Variants in BRAT1 observed in about 807,000 individuals in gnomAD.
BRAT1 encodes BRCA1 associated ATM activator 1.
In BRAT1, 74 loss-of-function variants were observed where a neutral mutation model predicts 70.6. The ratio of observed to expected loss-of-function variants is 1.05; its 90% confidence interval spans 0.87 to 1.27. The LOEUF is 1.27. Ranked by LOEUF, BRAT1 falls within the 50% of genes most tolerant of loss-of-function variation. The pLI is 0.00. For synonymous variants in BRAT1, 615 were observed against 517.1 expected (o/e 1.19, Z -2.57); for missense variants, 1,203 against 1,098.2 (o/e 1.10, Z -1.35).
chr7:2,541,895 CA>C, intron 7 of BRAT1, 59 bp from the exon 8 acceptor site: 1 of 1,560,342 alleles, frequency 6.4e-7, no homozygotes, highest in Non-Finnish European at 8.8e-7. Flanking sequence ...CCACGGTCAC[CA>C]GCCACCCCAC....
chr7:2,538,218 G>A lies in BRAT1; in HGVS notation c.2317C>T (p.Leu773=). The A allele has an allele frequency of 6.2e-7, 1 of 1,609,758 alleles. No individual in the cohort carries two copies. Among genetic ancestry groups the A allele is most frequent in the South Asian group, 1.1e-5 (1 of 91,000 alleles). The stretch of plus-strand genomic sequence containing the variant: ...AGGTCTAGGGACCTGAGCATGGCCA[G>A]CACAGCCTCAGGCTCCTGGTCCCCT... ...PPGDQEPEAV[L]AMLRSLDLEG... Residue 773 remains leucine, a synonymous_variant, in exon 14 of 14, where the codon CTG becomes TTG. Transcript: ENST00000340611.
chr7:2,542,169 C>G lies in BRAT1; in HGVS notation c.966G>C (p.Gln322His). ...TGGCCTTCAGGACACAGGCCAGGGG[C>G]TGGAGAAGGACCTGGAAGGCCTGGG... ...LRTQAFQVLLQPLACVLKATV... is the reference protein window; with the variant it reads ...LRTQAFQVLLHPLACVLKATV... Residue 322 changes from glutamine (Q) to histidine (H), a missense_variant, in exon 7 of 14, where the codon CAG (glutamine) becomes CAC (histidine). Physicochemically the swap from Gln to His is conservative, Grantham distance 24 (BLOSUM62 0). Coordinates refer to ENST00000340611, the MANE Select transcript of BRAT1 (RefSeq NM_152743.4). The G allele has an allele frequency of 6.4e-7, 1 of 1,572,136 alleles. No individual in the cohort carries two copies. The highest frequency in any genetic ancestry group is 1.2e-5 in the South Asian group (1 of 85,606).
At chr7:2,544,821 C>CG in intron 4 of BRAT1, 88 bp downstream of exon 4, 13 of 1,507,936 alleles carry the variant, frequency 8.6e-6, no homozygotes, top group East Asian at 7.5e-5. Context: ...ATCGCACAGA[C>CG]CAGACACTCA....
intron 2 of BRAT1, among the ~76,000 whole-genome samples, chr7:2,552,743 AT>A (rs375674149): frequency 1.1e-3 from 165 of 144,936 alleles, no homozygotes; most frequent in Admixed American, 9.7e-4. Context: ...TTATGACACT[AT>A]TTTTTTTTTT....
At chr7:2,547,517 G>A (rs376723978) in intron 2 of BRAT1, 39 bp from the exon 3 acceptor site, 33 of 1,598,072 alleles carry the variant, frequency 2.1e-5, no homozygotes, top group South Asian at 3.3e-5. Context: ...CCAGGGGTAC[G>A]GCACCAGGTG....
chr7:2,549,304 AG>A (rs1779829781), intron 2 of BRAT1, among the ~76,000 whole-genome samples: 1 of 151,760 alleles, frequency 6.6e-6, no homozygotes, highest in Non-Finnish European at 1.5e-5. Flanking sequence ...TGGGCAACAC[AG>A]GAAGATCCCC....
intron 10 of BRAT1, chr7:2,540,753 C>T: frequency 2.3e-6 from 1 of 440,474 alleles, no homozygotes; most frequent in Non-Finnish European, 3.9e-6. Flanking sequence ...TGCCCCTGCT[C>T]CCCACGGCCC....
chr7:2,546,406 T>C (rs962395101), intron 3 of BRAT1, among the ~76,000 whole-genome samples: 1 of 151,964 alleles, frequency 6.6e-6, no homozygotes, highest in African/African-American at 2.4e-5. Context: ...CACTCCAGCC[T>C]GGACGACAGA....
intron 2 of BRAT1, 96 bp downstream of exon 2, chr7:2,554,209 C>G (rs1780242306): frequency 6.7e-7 from 1 of 1,497,334 alleles, no homozygotes; most frequent in South Asian, 1.3e-5. Context: ...TGCCCTTCCT[C>G]CAGGACAGGG....
chr7:2,555,083 T>C (rs184725962), intron 1 of BRAT1, among the ~76,000 whole-genome samples: 1,678 of 136,512 alleles, frequency 0.012, 28 homozygotes, highest in African/African-American at 0.043. Flanking sequence ...GGTGGCTGCA[T>C]CTGAAGCCGG....
intron 2 of BRAT1, among the ~76,000 whole-genome samples, chr7:2,548,821 C>T (rs1473626240): frequency 2.6e-5 from 4 of 152,066 alleles, no homozygotes; most frequent in Non-Finnish European, 5.9e-5. Context: ...AAAAATTAGC[C>T]AGGCATGGTG....
chr7:2,541,767 G>T lies in BRAT1; in HGVS notation c.1085C>A (p.Ala362Asp). 6.2e-7 allele frequency: 1 copy of T among 1,612,322 alleles called. No individual in the cohort carries two copies. The highest frequency in any genetic ancestry group is 8.5e-7 in the Non-Finnish European group (1 of 1,179,788). The change falls in exon 8 of 14, where the codon GCC becomes GAC. Residue 362 changes from alanine (A) to aspartate (D), a missense_variant. Physicochemically the swap from Ala to Asp is moderately radical, Grantham distance 126. Transcript: ENST00000340611. ...DTLLASKSSC[A>D]GLLCRTLAHL... ...AGCCAGGGTGCGGCACAGGAGGCCG[G>T]CGCAGGACGACTTGGAGGCCAGGAG...
At chr7:2,550,481 C>CAAAAAAA (rs369777124) in intron 2 of BRAT1, among the ~76,000 whole-genome samples, 16 of 57,598 alleles carry the variant, frequency 2.8e-4, no homozygotes, top group African/African-American at 1.2e-3. Context: ...AAAAAAAAAA[C>CAAAAAAA]AAAAAAAAAA....
intron 2 of BRAT1, among the ~76,000 whole-genome samples, chr7:2,553,048 CTA>C (rs1780157014): frequency 6.6e-6 from 1 of 151,556 alleles, no homozygotes; most frequent in Admixed American, 6.6e-5. Context: ...TCGACTGACA[CTA>C]TTTTTTTGAG....
intron 2 of BRAT1, among the ~76,000 whole-genome samples, chr7:2,549,931 T>C (rs1250786266): frequency 6.6e-6 from 1 of 152,142 alleles, no homozygotes; most frequent in Admixed American, 6.6e-5. Context: ...CCTACATCTA[T>C]GTATACCTAA....
intron 10 of BRAT1, 52 bp downstream of exon 10, chr7:2,540,927 C>G (rs1779099552): frequency 1.4e-6 from 2 of 1,455,408 alleles, no homozygotes; most frequent in Non-Finnish European, 1.8e-6. Flanking sequence ...AGGGGTGGGT[C>G]CCACTGCCTC....
chr7:2,547,292 C>T (rs756994903), intron 3 of BRAT1, 32 bp downstream of exon 3: 16 of 1,610,834 alleles, frequency 9.9e-6, no homozygotes, highest in African/African-American at 5.3e-5. Flanking sequence ...CACCTCTCCA[C>T]GGGACACTCA....
intron 2 of BRAT1, among the ~76,000 whole-genome samples, chr7:2,548,017 G>C (rs562815259): frequency 1.2e-4 from 18 of 150,800 alleles, no homozygotes; most frequent in Non-Finnish European, 2.7e-4. Context: ...CTGGGAGGCA[G>C]AGGCTGCAGT....
At chr7:2,539,048 ACTGCTGCAGGCG>A (rs1419576185) in intron 13 of BRAT1, 119 bp downstream of exon 13, 8 of 1,453,058 alleles carry the variant, frequency 5.5e-6, no homozygotes, top group South Asian at 1.4e-5. Flanking sequence ...CTCGGCAGTC[ACTGCTGCAGGCG>A]CTGCCCACAG....
Sources: gnomAD v4.1 joint callset for allele counts (sites outside exome capture counted in the v4.1 genomes callset) on GRCh38, gnomAD v4.1.1 for gene constraint, MANE v1.5 for transcripts, NCBI Gene and HGNC (gene_info 2026-07-23, HGNC 2026-07-21) for gene names.